The following SPATA7 variants were observed in gnomAD, a reference collection of about 807,000 sequenced individuals.
The protein encoded by SPATA7 is spermatogenesis-associated protein 7.
A neutral mutation model predicts 51.8 loss-of-function variants in SPATA7; 43 were observed. The ratio of observed to expected loss-of-function variants is 0.83; its 90% confidence interval spans 0.65 to 1.07. The LOEUF (loss-of-function observed/expected upper bound fraction) is 1.07. Among genes scored for constraint, SPATA7 ranks in the 50% least tolerant of loss-of-function variants. The probability of loss-of-function intolerance (pLI) is 0.00; values close to 1 mark genes in which losing one functional copy is unlikely to be tolerated. For synonymous variants in SPATA7, 230 were observed against 252.8 expected (o/e 0.91, Z 0.86); for missense variants, 683 against 701.3 (o/e 0.97, Z 0.30).
chr14:88,443,447 T>G (rs1183674048), downstream of SPATA7, among the ~76,000 whole-genome samples: 2 of 152,072 alleles, frequency 1.3e-5, no homozygotes, highest in Non-Finnish European at 2.9e-5. Context: ...TGGTATCGGT[T>G]GTAATATGTC....
chr14:88,437,128 T>C (rs1481238549), intron 10 of SPATA7, among the ~76,000 whole-genome samples: 1 of 151,850 alleles, frequency 6.6e-6, no homozygotes, highest in Non-Finnish European at 1.5e-5. Context: ...TATACTTTAA[T>C]ATAGGAATTT....
intron 4 of SPATA7, among the ~76,000 whole-genome samples, chr14:88,406,184 A>G (rs1366272491): frequency 6.6e-6 from 1 of 152,174 alleles, no homozygotes; most frequent in Non-Finnish European, 1.5e-5. Context: ...GTCATAGCAG[A>G]CTACTGACTT....
At chr14:88,455,900 G>T (rs1402731962), downstream of SPATA7, among the ~76,000 whole-genome samples, 1 of 119,668 alleles carries the variant, frequency 8.4e-6, no homozygotes, top group Admixed American at 1.1e-4. Flanking sequence ...AACAGGCCCT[G>T]GTGTGTGATG....
intron 9 of SPATA7, chr14:88,432,558 A>G (rs948815804): frequency 2.0e-5 from 3 of 152,248 alleles, no homozygotes; most frequent in Non-Finnish European, 1.5e-5. Context: ...ATGTTCACAA[A>G]TTTTCCTATG....
rs547541241 is a variant in SPATA7, at chr14:88,427,977, C to T, written c.912+281C>T. 5 of 292,070 alleles carry T rather than the reference C, an allele frequency of 1.7e-5. No individual in the cohort carries two copies. The Admixed American group carries it at 2.3e-4, about 14-fold the overall frequency. The allele number at this position is 292,070 out of a possible 1,614,324, so 18.1% of individuals were successfully genotyped here. A position where few individuals can be genotyped will look rare whatever the true frequency, so the allele number is the denominator to read the frequency against. On this transcript the variant is annotated intron_variant, in intron 7 of 11. Coordinates refer to ENST00000393545, the MANE Select transcript of SPATA7 (RefSeq NM_018418.5). ...GACAAATGGAAGGATCAGTAAAATA[C>T]CTTAAGTATTGTTTTCAAAGATGCA...
At chr14:88,411,360 C>G (rs2076337370) in intron 4 of SPATA7, among the ~76,000 whole-genome samples, 1 of 152,166 alleles carries the variant, frequency 6.6e-6, no homozygotes, top group Non-Finnish European at 1.5e-5. Context: ...GCTTCAGACC[C>G]CTTTCCAGGG....
At chr14:88,414,001 C>T (rs562085248) in intron 4 of SPATA7, among the ~76,000 whole-genome samples, 2 of 151,886 alleles carry the variant, frequency 1.3e-5, no homozygotes, top group Non-Finnish European at 1.5e-5. Context: ...GGGATATTGG[C>T]CTATAGCTTT....
intron 11 of SPATA7, 97 bp downstream of exon 11, chr14:88,437,694 C>CTT: frequency 7.6e-7 from 1 of 1,311,004 alleles, no homozygotes; most frequent in Non-Finnish European, 1.1e-6. Context: ...AAAGCAAGTG[C>CTT]TTTTTTTTTC....
chr14:88,417,314 T>TA (rs145668254), intron 5 of SPATA7, among the ~76,000 whole-genome samples: 7,275 of 144,878 alleles, frequency 0.05, 264 homozygotes, highest in Non-Finnish European at 0.079. Flanking sequence ...GTTTTTTTTT[T>TA]TTTATATATA....
chr14:88,468,220 TTC>T (rs1431613572), intron 4 of SPATA7: 1 of 1,610,464 alleles, frequency 6.2e-7, no homozygotes, highest in Non-Finnish European at 8.5e-7. Context: ...ACCAGCATCA[TTC>T]TCTGTTGCCT....
rs1452130544 is a variant in SPATA7 at position 88,438,136 on chromosome 14, T to C, written c.1514T>C (p.Ile505Thr). The C allele has an allele frequency of 6.2e-7, 1 of 1,613,890 alleles. No homozygotes were observed. The highest frequency in any genetic ancestry group is 8.5e-7 in the Non-Finnish European group (1 of 1,179,898). ...IYKSKHSEGV[I>T]IQQVNDETNL... Reference sequence around the variant, plus strand: ...AAATCAAAGCATTCAGAAGGGGTTATAATTCAACAGGTGAATGATGAAACA... The same window carrying C: ...AAATCAAAGCATTCAGAAGGGGTTACAATTCAACAGGTGAATGATGAAACA... The change falls in exon 12 of 12, where the codon ATA becomes ACA. Residue 505 changes from isoleucine (I) to threonine (T), a missense_variant. Coordinates refer to ENST00000393545, the MANE Select transcript of SPATA7 (RefSeq NM_018418.5).
chr14:88,444,416 T>C (rs548148270), intron 3 of SPATA7, among the ~76,000 whole-genome samples: 2 of 151,550 alleles, frequency 1.3e-5, no homozygotes, highest in South Asian at 2.1e-4. Flanking sequence ...TGTGAAAATT[T>C]TCTCCCATTT....
chr14:88,411,246 AACTT>A (rs2076334267), intron 4 of SPATA7, among the ~76,000 whole-genome samples: 1 of 152,132 alleles, frequency 6.6e-6, no homozygotes, highest in Non-Finnish European at 1.5e-5. Context: ...GTCCCAGGTC[AACTT>A]CAGACTGCTG....
intron 3 of SPATA7, among the ~76,000 whole-genome samples, chr14:88,393,792 T>C (rs144281874): frequency 6.6e-6 from 1 of 152,190 alleles, no homozygotes; most frequent in Non-Finnish European, 1.5e-5. Flanking sequence ...TGTTTACACA[T>C]CTATGGAAGT....
rs766157792 is a variant in SPATA7 at position 88,416,797 on chromosome 14, G to A, written c.325G>A (p.Ala109Thr). Reference sequence around the variant, plus strand: ...CAAATTAACTAAAACTGCAATGCGAGCCAATTATAAAAATAATTCCAAGTC... The same window carrying A: ...CAAATTAACTAAAACTGCAATGCGAACCAATTATAAAAATAATTCCAAGTC... ...EFKLTKTAMRANYKNNSKSLF... is the reference protein window; with the variant it reads ...EFKLTKTAMRTNYKNNSKSLF... The change falls in exon 5 of 12, where the codon GCC becomes ACC. Residue 109 changes from alanine to threonine, a missense_variant. Physicochemically the swap from Ala to Thr is moderately conservative, Grantham distance 58. Transcript: ENST00000393545. 6.2e-7 allele frequency: 1 copy of A among 1,607,842 alleles called. No individual in the cohort carries two copies. The highest frequency in any genetic ancestry group is 1.7e-5 in the Admixed American group (1 of 59,936).
downstream of SPATA7, among the ~76,000 whole-genome samples, chr14:88,438,918 A>C (rs1021815988): frequency 2.2e-4 from 34 of 152,152 alleles, no homozygotes; most frequent in African/African-American, 4.6e-4. Flanking sequence ...GTGACTTTCT[A>C]TCACCTTTAC....
At chr14:88,422,639 A>G (rs2076678408) in intron 5 of SPATA7, among the ~76,000 whole-genome samples, 1 of 149,188 alleles carries the variant, frequency 6.7e-6, no homozygotes, top group South Asian at 2.1e-4. Flanking sequence ...TTTTTAATAT[A>G]TTTCTGTAAA....
intron 10 of SPATA7, among the ~76,000 whole-genome samples, chr14:88,435,022 G>A (rs976621361): frequency 6.6e-6 from 1 of 152,182 alleles, no homozygotes; most frequent in African/African-American, 2.4e-5. Flanking sequence ...CTAGAATGAA[G>A]AAATTCTGTG....
chr14:88,439,898 C>G (rs550493657), downstream of SPATA7, among the ~76,000 whole-genome samples: 4 of 152,308 alleles, frequency 2.6e-5, no homozygotes, highest in African/African-American at 9.6e-5. Context: ...TCCCCTCAGC[C>G]CTCACCTCTG....
Sources: allele counts gnomAD v4.1 joint callset (sites outside exome capture counted in the v4.1 genomes callset), GRCh38; gene constraint gnomAD v4.1.1; transcripts MANE v1.5; gene names NCBI Gene and HGNC (gene_info 2026-07-23, HGNC 2026-07-21).